PMP22: variants seen among roughly 807,000 people sequenced by gnomAD.
PMP22 encodes the protein Charcot-Marie-Tooth neuropathy 1A (greatly reduced nerve conduction velocity, hereditary motor sensory neuropathy Ia).
In PMP22, 2 loss-of-function variants were observed where a neutral mutation model predicts 18.9. The observed-to-expected ratio is 0.11, with a 90% CI of 0.04 to 0.33. PMP22 has a LOEUF of 0.33. Ranked by LOEUF, PMP22 falls within the 10% of genes least tolerant of loss-of-function variation. The pLI is 1.00. For synonymous variants in PMP22, 95 were observed against 89.2 expected, an observed-to-expected ratio of 1.07 and a Z score of -0.37; for missense variants, 169 against 202.2, an observed-to-expected ratio of 0.84 and a Z score of 1.00.
At chr17:15,256,925 G>A (rs113308029) in intron 3 of PMP22, among the ~76,000 whole-genome samples, 3 of 152,208 alleles carry the variant, frequency 2.0e-5, no homozygotes, top group African/African-American at 4.8e-5. Context: ...CACTACTGGG[G>A]AAGTGTAAAT....
In PMP22 at chr17:15,260,677, C is replaced by T. The variant is rs1276293144; in HGVS notation, c.51G>A (p.Val17=). The T allele has an allele frequency of 6.4e-7, 1 of 1,553,302 alleles. No homozygotes were observed. Among genetic ancestry groups the T allele is most frequent in the East Asian group, 2.4e-5 (1 of 41,062 alleles). The part of the protein sequence containing the change: ...SIIVLHVAVL[V]LLFVSTIVSQ... The stretch of plus-strand genomic sequence containing the variant: ...TGACGATCGTGGAGACGAACAGCAG[C>T]ACCAGCACCGCGACGTGGAGGACGA... Residue 17 remains valine, a synonymous_variant, in exon 2 of 5, where the codon GTG becomes GTA. Transcript: ENST00000312280.
intron 3 of PMP22, among the ~76,000 whole-genome samples, chr17:15,241,591 A>C (rs1259750584): frequency 1.3e-5 from 2 of 152,166 alleles, no homozygotes; most frequent in Non-Finnish European, 2.9e-5. Flanking sequence ...CTACTACGAG[A>C]CCTCACATAC....
intron 1 of PMP22, among the ~76,000 whole-genome samples, chr17:15,263,136 A>G (rs1597639213): frequency 6.6e-6 from 1 of 152,242 alleles, no homozygotes; most frequent in African/African-American, 2.4e-5. Context: ...ATTGGCGGGG[A>G]TTGATCTAGC....
At chr17:15,241,668 T>C (rs1442362984) in intron 3 of PMP22, among the ~76,000 whole-genome samples, 1 of 152,204 alleles carries the variant, frequency 6.6e-6, no homozygotes. Context: ...TTTAATAATA[T>C]AACCTAAATA....
chr17:15,260,871 C>T (rs1398542424), intron 1 of PMP22, 110 bp from the exon 2 acceptor site: 7 of 774,310 alleles, frequency 9.0e-6, no homozygotes, highest in Non-Finnish European at 1.5e-5. Flanking sequence ...GGCCCAGCGC[C>T]CGCAGCCCGA....
chr17:15,247,213 C>CA (rs1329947074), intron 3 of PMP22, among the ~76,000 whole-genome samples: 1 of 150,590 alleles, frequency 6.6e-6, no homozygotes, highest in Admixed American at 6.6e-5. Context: ...ACTAAAAATA[C>CA]AAAAAATTAG....
intron 3 of PMP22, among the ~76,000 whole-genome samples, chr17:15,257,778 A>G (rs993637702): frequency 4.6e-5 from 7 of 152,308 alleles, no homozygotes; most frequent in East Asian, 1.9e-4. Flanking sequence ...TCTCACTCCA[A>G]TAGGACTGGG....
At chr17:15,243,544 A>G (rs998862499) in intron 3 of PMP22, among the ~76,000 whole-genome samples, 3 of 151,626 alleles carry the variant, frequency 2.0e-5, no homozygotes, top group Admixed American at 6.6e-5. Context: ...TATAAAACCA[A>G]TGAGTCAAGA....
At position 15,230,354 on chromosome 17, in the gene PMP22, G is replaced by C. The variant is rs926085666; in HGVS notation, c.*563C>G. 2.6e-5 allele frequency: 4 copies of C among 154,596 alleles called. No individual in the cohort carries two copies. Among genetic ancestry groups the C allele is most frequent in the Admixed American group, 1.3e-4 (2 of 15,690 alleles). 9.6% of individuals were successfully genotyped at this position (154,596 alleles called of 1,614,324 possible). ...CGTGTTTTTGCAAGGGCTCCAGTTT[G>C]GGCATTTTGTCCGTGTGCGCGTAAA... On this transcript the variant is annotated 3_prime_UTR_variant, in exon 5 of 5. Coordinates refer to ENST00000312280, the MANE Select transcript of PMP22 (RefSeq NM_000304.4).
chr17:15,230,998 G>C lies in PMP22; in HGVS notation c.402C>G (p.Phe134Leu). 1 of 1,614,134 alleles carries C rather than the reference G, an allele frequency of 6.2e-7. No homozygotes were observed. The highest frequency in any genetic ancestry group is 8.5e-7 in the Non-Finnish European group (1 of 1,179,986). The change falls in exon 5 of 5, where the codon TTC (phenylalanine) becomes TTG (leucine). Residue 134 changes from phenylalanine (F) to leucine (L), a missense_variant. Phe to Leu is a conservative substitution (Grantham distance 22). Coordinates refer to ENST00000312280, the MANE Select transcript of PMP22 (RefSeq NM_000304.4). Reference sequence around the variant, plus strand: ...AGGCCACCCAGGCCAGGATGTAGGCGAAACCGTAGGAGTAATCCGAGTTGA... The same window carrying C: ...AGGCCACCCAGGCCAGGATGTAGGCCAAACCGTAGGAGTAATCCGAGTTGA... Reference protein sequence around the residue: ...WHLNSDYSYGFAYILAWVAFP... With the variant: ...WHLNSDYSYGLAYILAWVAFP...
intron 3 of PMP22, among the ~76,000 whole-genome samples, chr17:15,240,636 G>T (rs1272125704): frequency 1.3e-5 from 2 of 152,086 alleles, no homozygotes; most frequent in Non-Finnish European, 2.9e-5. Context: ...GAGGAAAGAA[G>T]AAACAACCTG....
At chr17:15,253,410 G>A (rs370721457) in intron 3 of PMP22, among the ~76,000 whole-genome samples, 64 of 152,224 alleles carry the variant, frequency 4.2e-4, no homozygotes, top group African/African-American at 8.9e-4. Flanking sequence ...TAAGAATCCC[G>A]TCACCCAAAA....
chr17:15,242,982 G>T (rs1431665981), intron 3 of PMP22, among the ~76,000 whole-genome samples: 1 of 152,080 alleles, frequency 6.6e-6, no homozygotes, highest in East Asian at 1.9e-4. Context: ...AACTTCTTCA[G>T]CAAGGAATTA....
At chr17:15,264,117 T>C (rs1909548480) in intron 1 of PMP22, among the ~76,000 whole-genome samples, 2 of 152,162 alleles carry the variant, frequency 1.3e-5, no homozygotes, top group South Asian at 2.1e-4. Flanking sequence ...AGTGCCCAAA[T>C]TGCCACCACT....
chr17:15,229,861 G>T lies in PMP22; in HGVS notation c.*1056C>A, dbSNP rs1906159288. The T allele has an allele frequency of 6.6e-6, 1 of 152,582 alleles. No individual in the cohort carries two copies. The highest frequency in any genetic ancestry group is 6.6e-5 in the Admixed American group (1 of 15,266). The allele number at this position is 152,582 out of a possible 1,614,324, so 9.5% of individuals were successfully genotyped here. On this transcript the variant is annotated 3_prime_UTR_variant, in exon 5 of 5. Coordinates refer to ENST00000312280, the MANE Select transcript of PMP22 (RefSeq NM_000304.4). Reference sequence around the variant, plus strand: ...AGAAAATGCAAAGCAAAAACAAAAGGTCTGGAGTCTTAGCATCAGAAGGGC... The same window carrying T: ...AGAAAATGCAAAGCAAAAACAAAAGTTCTGGAGTCTTAGCATCAGAAGGGC...
intron 4 of PMP22, among the ~76,000 whole-genome samples, chr17:15,231,479 G>A (rs183578942): frequency 6.6e-6 from 1 of 152,166 alleles, no homozygotes; most frequent in African/African-American, 2.4e-5. Flanking sequence ...CTACAAGTGA[G>A]TGGTGGCATT....
In PMP22 at chr17:15,230,123, T is replaced by C. The variant is rs1168211482; in HGVS notation, c.*794A>G. 1.3e-5 allele frequency: 2 copies of C among 152,716 alleles called. No individual in the cohort carries two copies. The highest frequency in any genetic ancestry group is 1.3e-4 in the Admixed American group (2 of 15,294). 9.5% of individuals were successfully genotyped at this position (152,716 alleles called of 1,614,324 possible). On this transcript the variant is annotated 3_prime_UTR_variant, in exon 5 of 5. Transcript: ENST00000312280. ...TACAAAAGCAGTTATAAACCATTTA[T>C]ATTACACAGAATTATTCAGGTCTCC...
Position 15,230,844 on chromosome 17 carries a change from T to C in PMP22, c.*73A>G. ...GGATTTTGGGCTAGCTCTTTTTTCT[T>C]TGTCTGCTTTCTGTTTTCCCTTCCT... On this transcript the variant is annotated 3_prime_UTR_variant, in exon 5 of 5. Coordinates refer to ENST00000312280, the MANE Select transcript of PMP22 (RefSeq NM_000304.4). 1 of 1,551,302 alleles carries C rather than the reference T, an allele frequency of 6.4e-7. No homozygotes were observed. The highest frequency in any genetic ancestry group is 2.2e-5 in the East Asian group (1 of 44,516).
intron 3 of PMP22, among the ~76,000 whole-genome samples, chr17:15,252,586 G>A (rs912911389): frequency 3.9e-5 from 6 of 152,220 alleles, no homozygotes; most frequent in Non-Finnish European, 7.3e-5. Flanking sequence ...GGCCAAGGAC[G>A]TTTGGGGACA....
Sources: allele counts gnomAD v4.1 joint callset (sites outside exome capture counted in the v4.1 genomes callset), GRCh38; gene constraint gnomAD v4.1.1; transcripts MANE v1.5; gene names NCBI Gene and HGNC (gene_info 2026-07-23, HGNC 2026-07-21).